GRK5: variants seen among roughly 807,000 people sequenced by gnomAD.
GRK5 encodes the protein g protein-coupled receptor kinase GRK5.
A neutral mutation model predicts 78.4 loss-of-function variants in GRK5; 40 were observed. The observed-to-expected ratio is 0.51, with a 90% CI of 0.40 to 0.66. GRK5 has a LOEUF of 0.66. GRK5 is among the 30% of genes least tolerant of loss of function. GRK5 has a pLI of 0.00. For synonymous variants in GRK5, 289 were observed against 296.8 expected, an observed-to-expected ratio of 0.97 and a Z score of 0.27; for missense variants, 598 against 759.9, an observed-to-expected ratio of 0.79 and a Z score of 2.50.
At position 119,338,028 on chromosome 10, in the gene GRK5, G is replaced by A. The variant is rs572982685; in HGVS notation, c.148+11417G>A. On this transcript the variant is annotated intron_variant, in intron 2 of 15. Coordinates refer to ENST00000392870, the MANE Select transcript of GRK5 (RefSeq NM_005308.3). ...TGTAGCAACGCTCTTTCCAAATAAG[G>A]TCACGTTCTGAGGTAATGGGGATTA... Among the ~76,000 whole-genome samples the A allele has an allele frequency of 1.6e-4, 24 of 152,282 alleles. No homozygotes were observed. The South Asian group carries it at 1.9e-3, about 12-fold the overall frequency.
intron 2 of GRK5, among the ~76,000 whole-genome samples, chr10:119,332,810 C>A (rs1048456099): frequency 6.6e-6 from 1 of 152,168 alleles, no homozygotes; most frequent in Non-Finnish European, 1.5e-5. Context: ...TCTCTCTACC[C>A]GGAATGTTCT....
intron 8 of GRK5, among the ~76,000 whole-genome samples, chr10:119,432,203 C>T (rs1035188370): frequency 7.9e-5 from 12 of 152,210 alleles, no homozygotes; most frequent in African/African-American, 2.9e-4. Context: ...CCAGTCAACA[C>T]AGAGACAAGT....
intron 1 of GRK5, among the ~76,000 whole-genome samples, chr10:119,259,536 G>T (rs1207360208): frequency 6.6e-6 from 1 of 152,330 alleles, no homozygotes; most frequent in East Asian, 1.9e-4. Context: ...CTCTTGGACA[G>T]AGCCCTCAAT....
chr10:119,329,554 A>G (rs1850732490), intron 2 of GRK5, among the ~76,000 whole-genome samples: 1 of 152,136 alleles, frequency 6.6e-6, no homozygotes, highest in African/African-American at 2.4e-5. Flanking sequence ...AACATGGAGA[A>G]GCCCCATCTC....
At chr10:119,218,984 G>A (rs1271041320) in intron 1 of GRK5, among the ~76,000 whole-genome samples, 2 of 145,402 alleles carry the variant, frequency 1.4e-5, no homozygotes, top group African/African-American at 5.4e-5. Context: ...CGCAACCTCC[G>A]CTTCCCGGGT....
chr10:119,379,514 C>A lies in GRK5; in HGVS notation c.149-1301C>A, dbSNP rs1023075943. 1.3e-5 allele frequency among the ~76,000 whole-genome samples: 2 copies of A among 152,166 alleles called. No homozygotes were observed. The highest frequency in any genetic ancestry group is 4.8e-5 in the African/African-American group (2 of 41,426). On this transcript the variant is annotated intron_variant, in intron 2 of 15. Coordinates refer to ENST00000392870, the MANE Select transcript of GRK5 (RefSeq NM_005308.3). This position sits in a 1 kb window ranked among gnomAD's most constrained non-coding sequence, Gnocchi z 4.1. ...TTGCCTGGCGTATCTCAAGAGAAAT[C>A]CTTTCTAGGGGGGATGGTGTCTTAG...
At chr10:119,373,103 T>C (rs1851571512) in intron 2 of GRK5, among the ~76,000 whole-genome samples, 1 of 152,252 alleles carries the variant, frequency 6.6e-6, no homozygotes, top group Non-Finnish European at 1.5e-5. Context: ...CAGTTGGCTG[T>C]TGTCAGACTC....
chr10:119,363,071 G>A (rs544890680), intron 2 of GRK5, among the ~76,000 whole-genome samples: 54 of 152,288 alleles, frequency 3.5e-4, no homozygotes, highest in Non-Finnish European at 6.2e-4. Context: ...CCTGAAGTCA[G>A]GAGTTCAAGA....
intron 4 of GRK5, among the ~76,000 whole-genome samples, chr10:119,411,839 C>CTGCTTTT: frequency 1.8e-5 from 1 of 55,692 alleles, no homozygotes; most frequent in African/African-American, 5.4e-5. Flanking sequence ...TGCAGATCTG[C>CTGCTTTT]TTCTTTTTTT....
At chr10:119,213,099 G>C (rs1002087659) in intron 1 of GRK5, 6 of 152,282 alleles carry the variant, frequency 3.9e-5, no homozygotes, top group African/African-American at 1.2e-4. Context: ...CTGCATCTGT[G>C]CATAGCCACT....
At chr10:119,256,366 G>A (rs1226117142) in intron 1 of GRK5, among the ~76,000 whole-genome samples, 1 of 152,178 alleles carries the variant, frequency 6.6e-6, no homozygotes, top group Non-Finnish European at 1.5e-5. Flanking sequence ...GGCTCCGGTA[G>A]TCGCCAGCCA....
chr10:119,358,937 C>T (rs763715673), intron 2 of GRK5, among the ~76,000 whole-genome samples: 44 of 152,172 alleles, frequency 2.9e-4, no homozygotes, highest in Admixed American at 5.9e-4. Context: ...TTCCTCTCCT[C>T]CTAAGGACAC....
At chr10:119,300,359 A>G (rs537754753) in intron 1 of GRK5, among the ~76,000 whole-genome samples, 5 of 152,338 alleles carry the variant, frequency 3.3e-5, no homozygotes, top group African/African-American at 7.2e-5. Context: ...TTGACCCTCA[A>G]TCTAAGGTCA....
At chr10:119,416,714 C>T (rs993281506) in intron 4 of GRK5, among the ~76,000 whole-genome samples, 2 of 152,280 alleles carry the variant, frequency 1.3e-5, no homozygotes, top group Admixed American at 1.3e-4. Context: ...GTGCCTCAGC[C>T]TCCTGAGTAG....
chr10:119,226,850 C>T (rs1589689670), intron 1 of GRK5, among the ~76,000 whole-genome samples: 2 of 151,832 alleles, frequency 1.3e-5, no homozygotes, highest in East Asian at 3.9e-4. Flanking sequence ...GTATGAACCA[C>T]TGTACCTGGC....
rs1589773934 is a variant in GRK5, at chr10:119,379,163, G to A, written c.149-1652G>A. 6.6e-6 allele frequency among the ~76,000 whole-genome samples: 1 copy of A among 152,214 alleles called. No individual in the cohort carries two copies. ...ACGATGAGAAATGGGGTTTATTAATGTGCCAGCATCTGGTCTGAGTGGTTT... is the reference window on the plus strand; with the variant it reads ...ACGATGAGAAATGGGGTTTATTAATATGCCAGCATCTGGTCTGAGTGGTTT... On this transcript the variant is annotated intron_variant, in intron 2 of 15. Transcript: ENST00000392870. The surrounding 1 kb of genome is among the most constrained non-coding windows in gnomAD (Gnocchi z 4.1).
In GRK5 at chr10:119,431,685, C is replaced by G. The variant is rs1178274600; in HGVS notation, c.738+158C>G. ...AGCTACAGAAAGGCCGCAAGACATT[C>G]CTCCATCACACGGCCCATTGTGGTC... On this transcript the variant is annotated intron_variant, in intron 8 of 15. Transcript: ENST00000392870. This position sits in a 1 kb window ranked among gnomAD's most constrained non-coding sequence, Gnocchi z 4.8. Among the ~76,000 whole-genome samples the G allele has an allele frequency of 1.3e-5, 2 of 152,230 alleles. No individual in the cohort carries two copies. Among genetic ancestry groups the G allele is most frequent in the Non-Finnish European group, 2.9e-5 (2 of 68,032 alleles).
chr10:119,359,535 G>A (rs1036287139), intron 2 of GRK5, among the ~76,000 whole-genome samples: 5 of 152,222 alleles, frequency 3.3e-5, no homozygotes, highest in Admixed American at 6.5e-5. Context: ...GAGCACCCAC[G>A]AAGCCTTCCT....
chr10:119,360,618 G>T (rs1455109652), intron 2 of GRK5, among the ~76,000 whole-genome samples: 12 of 152,088 alleles, frequency 7.9e-5, no homozygotes, highest in Admixed American at 5.2e-4. Context: ...AGAGGCAGGA[G>T]CCTGTGTGAG....
Sources: gnomAD v4.1 joint callset for allele counts (sites outside exome capture counted in the v4.1 genomes callset) on GRCh38, gnomAD v4.1.1 for gene constraint, Gnocchi (gnomAD v3.1) non-coding constraint, MANE v1.5 for transcripts, NCBI Gene and HGNC (gene_info 2026-07-23, HGNC 2026-07-21) for gene names.